PTPRG: variants seen among roughly 807,000 people sequenced by gnomAD.
The protein encoded by PTPRG is protein tyrosine phosphatase receptor type G.
In PTPRG, 102 loss-of-function variants were observed where a neutral mutation model predicts 165.3. The observed-to-expected ratio is 0.62, with a 90% CI of 0.53 to 0.73. The LOEUF is 0.73. Among genes scored for constraint, PTPRG ranks in the 30% least tolerant of loss-of-function variants. The pLI, the probability that PTPRG is intolerant of heterozygous loss-of-function variation, is 0.00. For missense variants in PTPRG, 1,866 were observed against 1,861.4 expected (o/e 1.00, Z -0.05); for synonymous variants, 675 against 669.5 (o/e 1.01, Z -0.13).
rs558283172 is a variant in PTPRG, at chr3:62,217,320, C to T, written c.2156-1531C>T. Among the ~76,000 whole-genome samples the T allele has an allele frequency of 1.1e-4, 16 of 152,306 alleles. No homozygotes were observed. The highest frequency in any genetic ancestry group is 3.8e-4 in the African/African-American group (16 of 41,568). ...CTGTGAGCAGGGGATACATCAGGTC[C>T]TGTCTGCGTCACAGGCCTGTGCCTG... On this transcript the variant is annotated intron_variant, in intron 12 of 29. Transcript: ENST00000474889. This position sits in a 1 kb window ranked among gnomAD's most constrained non-coding sequence, Gnocchi z 4.3.
chr3:61,626,465 T>G (rs1229902700), intron 1 of PTPRG, among the ~76,000 whole-genome samples: 1 of 152,200 alleles, frequency 6.6e-6, no homozygotes, highest in Non-Finnish European at 1.5e-5. Flanking sequence ...GAATGTGGAA[T>G]GGGTAGGTGA....
chr3:62,265,401 T>C (rs1455157330), intron 17 of PTPRG, among the ~76,000 whole-genome samples: 13 of 152,214 alleles, frequency 8.5e-5, no homozygotes, highest in Admixed American at 8.5e-4. Flanking sequence ...TGAAATTGTT[T>C]ACTTAGTTTT....
chr3:62,110,160 G>A (rs937284337), intron 5 of PTPRG, among the ~76,000 whole-genome samples: 8 of 117,320 alleles, frequency 6.8e-5, no homozygotes, highest in African/African-American at 2.6e-4. Flanking sequence ...CCCATTTTTG[G>A]TAGTTACCTA....
chr3:61,767,250 A>AAAAAAAAAAG (rs2034053555), intron 2 of PTPRG, among the ~76,000 whole-genome samples: 1 of 148,880 alleles, frequency 6.7e-6, no homozygotes, highest in Non-Finnish European at 1.5e-5. Context: ...CAAAAAAAAA[A>AAAAAAAAAAG]AAAAAAAGAA....
At chr3:61,948,114 C>T (rs865959745) in intron 2 of PTPRG, among the ~76,000 whole-genome samples, 2 of 152,048 alleles carry the variant, frequency 1.3e-5, no homozygotes, top group African/African-American at 4.8e-5. Context: ...CACCTGAGGT[C>T]GGGAGTTCAA....
chr3:61,687,694 T>G (rs971904393), intron 1 of PTPRG, among the ~76,000 whole-genome samples: 1 of 152,248 alleles, frequency 6.6e-6, no homozygotes, highest in African/African-American at 2.4e-5. Context: ...ATGGAAATCT[T>G]TTTATTAACA....
intron 1 of PTPRG, among the ~76,000 whole-genome samples, chr3:61,637,333 A>C (rs997680735): frequency 6.6e-6 from 1 of 152,130 alleles, no homozygotes; most frequent in Non-Finnish European, 1.5e-5. Context: ...AAATGACTTG[A>C]AGGTTAACTT....
At chr3:62,083,924 T>C (rs551564468) in intron 5 of PTPRG, among the ~76,000 whole-genome samples, 6 of 152,366 alleles carry the variant, frequency 3.9e-5, no homozygotes, top group Non-Finnish European at 8.8e-5. Flanking sequence ...ATGAAGTATA[T>C]TGTTATTGAA....
intron 12 of PTPRG, among the ~76,000 whole-genome samples, chr3:62,216,446 G>A (rs1416802644): frequency 6.6e-6 from 1 of 152,100 alleles, no homozygotes; most frequent in Non-Finnish European, 1.5e-5. Flanking sequence ...GGGCTTCACA[G>A]AGTGGATACT....
Position 62,164,321 on chromosome 3 carries a change from C to G in PTPRG, c.841-3650C>G, listed in dbSNP as rs554054214. Among the ~76,000 whole-genome samples the G allele has an allele frequency of 3.9e-5, 6 of 152,256 alleles. No individual in the cohort carries two copies. The East Asian group carries it at 1.2e-3, about 29-fold the overall frequency. ...TGTATCAGTAGATTTCGTCACTGCCCACTTGCCAAAGTGAGAAATGTAGAC... is the reference window on the plus strand; with the variant it reads ...TGTATCAGTAGATTTCGTCACTGCCGACTTGCCAAAGTGAGAAATGTAGAC... On this transcript the variant is annotated intron_variant, in intron 7 of 29. Transcript: ENST00000474889.
At chr3:62,235,742 G>A (rs574882795) in intron 14 of PTPRG, among the ~76,000 whole-genome samples, 4 of 152,276 alleles carry the variant, frequency 2.6e-5, no homozygotes, top group African/African-American at 9.6e-5. Context: ...TCCTATTCAT[G>A]TGAAATCCAA....
intron 1 of PTPRG, among the ~76,000 whole-genome samples, chr3:61,639,027 A>G (rs1020292845): frequency 6.6e-6 from 1 of 152,126 alleles, no homozygotes; most frequent in African/African-American, 2.4e-5. Flanking sequence ...GTTTTCTTCT[A>G]GGATTCTTAT....
At chr3:62,143,575 T>C (rs1170436775) in intron 6 of PTPRG, among the ~76,000 whole-genome samples, 1 of 152,104 alleles carries the variant, frequency 6.6e-6, no homozygotes, top group Non-Finnish European at 1.5e-5. Context: ...TTTTTTAATT[T>C]TTTTGCCCTT....
chr3:62,023,517 A>G (rs568567673), intron 4 of PTPRG, among the ~76,000 whole-genome samples: 2 of 152,156 alleles, frequency 1.3e-5, no homozygotes, highest in South Asian at 4.2e-4. Flanking sequence ...AGCCTTTCTT[A>G]TTCCTATGCA....
At chr3:62,191,764 C>T in intron 9 of PTPRG, 111 bp downstream of exon 9, 1 of 1,126,046 alleles carries the variant, frequency 8.9e-7, no homozygotes, top group Non-Finnish European at 1.3e-6. Flanking sequence ...TGTCCTCACA[C>T]TGTCTGGTGA....
chr3:62,283,834 T>A (rs1191996234), intron 28 of PTPRG, among the ~76,000 whole-genome samples: 17 of 152,126 alleles, frequency 1.1e-4, no homozygotes, highest in Non-Finnish European at 7.4e-5. Flanking sequence ...ACTAGCTGCT[T>A]CCAAAAAATT....
chr3:62,108,597 C>G (rs1200657917), intron 5 of PTPRG, among the ~76,000 whole-genome samples: 1 of 152,176 alleles, frequency 6.6e-6, no homozygotes, highest in East Asian at 1.9e-4. Flanking sequence ...ATTTCTAGTT[C>G]TAGACCCTTG....
In PTPRG at chr3:61,760,261, G is replaced by A. The variant is rs549879023; in HGVS notation, c.190+11279G>A. On this transcript the variant is annotated intron_variant, in intron 2 of 29. Coordinates refer to ENST00000474889, the MANE Select transcript of PTPRG (RefSeq NM_002841.4). ...ATTGGTTTTAAAATGAAGGAAAATA[G>A]TATCCTAGTTCAAAAGTTATGGCTC... Among the ~76,000 whole-genome samples the A allele has an allele frequency of 3.9e-5, 6 of 152,282 alleles. No individual in the cohort carries two copies. In the East Asian group the frequency reaches 5.8e-4, roughly 15 times the overall value.
chr3:61,863,432 T>C (rs1342066965), intron 2 of PTPRG, among the ~76,000 whole-genome samples: 1 of 152,250 alleles, frequency 6.6e-6, no homozygotes, highest in Non-Finnish European at 1.5e-5. Flanking sequence ...CTAGTGGAAA[T>C]TGAATTGCTT....
Sources: gnomAD v4.1 joint callset for allele counts (sites outside exome capture counted in the v4.1 genomes callset) on GRCh38, gnomAD v4.1.1 for gene constraint, Gnocchi (gnomAD v3.1) non-coding constraint, MANE v1.5 for transcripts, NCBI Gene and HGNC (gene_info 2026-07-23, HGNC 2026-07-21) for gene names.